Variants in NIN observed in about 807,000 individuals in gnomAD.
The protein encoded by NIN is glycogen synthase kinase 3 beta-interacting protein.
NIN carries 137 observed loss-of-function variants against 257.6 expected under a neutral mutation model. The ratio of observed to expected loss-of-function variants is 0.53; its 90% CI spans 0.46 to 0.61. The LOEUF (loss-of-function observed/expected upper bound fraction) is 0.61, where lower values mean the gene tolerates loss of function less well. Among genes scored for constraint, NIN ranks in the 20% least tolerant of loss-of-function variants. The pLI is 0.00. For synonymous variants in NIN, 918 were observed against 919.8 expected (o/e 1.00, Z 0.04); for missense variants, 2,439 against 2,501.2 (o/e 0.98, Z 0.53).
chr14:50,795,722 TCA>T (rs2043809042), intron 4 of NIN, among the ~76,000 whole-genome samples: 1 of 152,220 alleles, frequency 6.6e-6, no homozygotes, highest in African/African-American at 2.4e-5. Context: ...ATTATTGACA[TCA>T]CAGAGCTTCC....
At chr14:50,793,106 G>A (rs537729871) in intron 4 of NIN, among the ~76,000 whole-genome samples, 3 of 152,154 alleles carry the variant, frequency 2.0e-5, no homozygotes, top group African/African-American at 7.2e-5. Context: ...TGCACATGAC[G>A]GGAGCAATCC....
At chr14:50,803,663 C>T (rs1253132288) in intron 4 of NIN, among the ~76,000 whole-genome samples, 6 of 152,176 alleles carry the variant, frequency 3.9e-5, no homozygotes, top group Admixed American at 3.3e-4. Flanking sequence ...AATTAAGCTA[C>T]GTCCCTCTTT....
chr14:50,731,792 T>C (rs554746887), intron 28 of NIN, among the ~76,000 whole-genome samples: 14 of 152,278 alleles, frequency 9.2e-5, no homozygotes, highest in African/African-American at 3.1e-4. Flanking sequence ...CGCCACTGCA[T>C]TCCCACTTGG....
Position 50,727,584 on chromosome 14 carries a change from T to A in NIN, c.6079-1518A>T, listed in dbSNP as rs2040471778. 2.2e-6 allele frequency: 3 copies of A among 1,374,224 alleles called. No individual in the cohort carries two copies. The Admixed American group carries it at 6.9e-5, about 32-fold the overall frequency. 85.1% of individuals were successfully genotyped at this position (1,374,224 alleles called of 1,614,324 possible). On this transcript the variant is annotated intron_variant, in intron 29 of 30. Transcript: ENST00000530997. ...TAAAATAATTTAAAAGAGCACTTAA[T>A]TCCAACATATCTTAGCTTATGTCTC...
In NIN at chr14:50,738,190, T is replaced by C; in HGVS notation, c.5725A>G (p.Lys1909Glu). Reference sequence around the variant, plus strand: ...TTCTGAAACTGATCACACTCTCTCTTTAAGCTCAATTTTTCTTGCTCTGTG... The same window carrying C: ...TTCTGAAACTGATCACACTCTCTCTCTAAGCTCAATTTTTCTTGCTCTGTG... ...NPTEQEKLSL[K>E]RECDQFQKEQ... The change falls in exon 27 of 31, where the codon AAG (lysine) becomes GAG (glutamate). Residue 1909 changes from lysine (K) to glutamate (E), a missense_variant. Lys to Glu is a moderately conservative substitution (Grantham distance 56). Transcript: ENST00000530997. 1.9e-6 allele frequency: 3 copies of C among 1,614,146 alleles called. No homozygotes were observed. Among genetic ancestry groups the C allele is most frequent in the African/African-American group, 2.7e-5 (2 of 75,030 alleles).
rs199898320 is a variant in NIN, at chr14:50,741,759, C to A, written c.5302-31G>T. The A allele has an allele frequency of 1.9e-6, 3 of 1,607,442 alleles. No individual in the cohort carries two copies. In the African/African-American group the frequency reaches 4.0e-5, roughly 22 times the overall value. On this transcript the variant is annotated intron_variant, in intron 24 of 30. Transcript: ENST00000530997. ...TTGTGAGAATGATCTTTTACTGCTA[C>A]ACAAACTCTTGTGGTCTCACCTCTA...
At chr14:50,748,746 C>T (rs564516417) in intron 21 of NIN, among the ~76,000 whole-genome samples, 1 of 152,256 alleles carries the variant, frequency 6.6e-6, no homozygotes, top group East Asian at 1.9e-4. Context: ...AGGAATACAA[C>T]TTACAAGGGA....
chr14:50,777,067 A>G lies in NIN; in HGVS notation c.548T>C (p.Ile183Thr), dbSNP rs780398386. 1.2e-6 allele frequency: 2 copies of G among 1,614,188 alleles called. No individual in the cohort carries two copies. The highest frequency in any genetic ancestry group is 2.2e-5 in the South Asian group (2 of 91,088). The change falls in exon 7 of 31, where the codon ATA becomes ACA. Residue 183 changes from isoleucine (I) to threonine (T), a missense_variant. Physicochemically the swap from Ile to Thr is moderately conservative, Grantham distance 89. This residue lies in a region of NIN where 387 missense variants were observed against 427.3 expected (regional missense o/e 0.91). Coordinates refer to ENST00000530997, the MANE Select transcript of NIN (RefSeq NM_020921.4). ...QSGSSPPQDW[I>T]EEKLQEVCED... ...ACAAACTTCTTGCAGTTTCTCTTCT[A>G]TCCAGTCTTGGGGAGGGGAAGATCC...
In NIN at chr14:50,760,123, TTCC is replaced by T. The variant is rs759610601; in HGVS notation, c.2130_2132del (p.Glu711del). On this transcript the variant is annotated inframe_deletion, in exon 17 of 31. Transcript: ENST00000530997. ...TCAGCTTCTCCTGCAGGTGAGTCTT[TTCC>T]TCCTCAAGCTTCACTTGCAGTTGTT... is the stretch of plus-strand genomic sequence containing the variant. 6 of 1,614,088 alleles carry T rather than the reference TTCC, an allele frequency of 3.7e-6. No homozygotes were observed. In the Admixed American group the frequency reaches 1.0e-4, roughly 27 times the overall value.
intron 2 of NIN, among the ~76,000 whole-genome samples, chr14:50,824,071 T>G (rs1411712654): frequency 6.6e-6 from 1 of 152,226 alleles, no homozygotes; most frequent in African/African-American, 2.4e-5. Flanking sequence ...TACAGTCCCC[T>G]GGGCTGTTAT....
chr14:50,823,462 A>G, intron 2 of NIN: 2 of 305,286 alleles, frequency 6.6e-6, no homozygotes, highest in Admixed American at 9.7e-5. Context: ...GTAAGCTAAG[A>G]TGTTGAACAC....
At chr14:50,795,479 G>T (rs1183481608) in intron 4 of NIN, among the ~76,000 whole-genome samples, 1 of 152,194 alleles carries the variant, frequency 6.6e-6, no homozygotes, top group African/African-American at 2.4e-5. Context: ...CTGAACAGCA[G>T]ATGTCCACCG....
intron 4 of NIN, among the ~76,000 whole-genome samples, chr14:50,799,832 G>C (rs914237709): frequency 6.6e-6 from 1 of 152,054 alleles, no homozygotes; most frequent in Non-Finnish European, 1.5e-5. Flanking sequence ...AAAATTAGCT[G>C]GGTGTGGTGG....
chr14:50,727,701 A>T (rs2040477818), intron 29 of NIN: 1 of 1,439,056 alleles, frequency 6.9e-7, no homozygotes. Flanking sequence ...ACAGGTGCCC[A>T]ATCCTTCTGT....
At chr14:50,808,377 G>A (rs1204547386) in intron 3 of NIN, among the ~76,000 whole-genome samples, 2 of 152,332 alleles carry the variant, frequency 1.3e-5, no homozygotes, top group East Asian at 3.9e-4. Flanking sequence ...CAGGCCACTT[G>A]ACGGGCATCT....
intron 3 of NIN, among the ~76,000 whole-genome samples, chr14:50,808,046 T>G (rs1182261933): frequency 6.6e-6 from 1 of 152,208 alleles, no homozygotes; most frequent in Non-Finnish European, 1.5e-5. Flanking sequence ...TTCAAGCTAA[T>G]TAAAATATAC....
chr14:50,829,595 T>A (rs1228359484), intron 2 of NIN, among the ~76,000 whole-genome samples: 1 of 152,190 alleles, frequency 6.6e-6, no homozygotes, highest in Non-Finnish European at 1.5e-5. Context: ...GGAGTTGAGC[T>A]GTATGGCAAG....
Position 50,758,201 on chromosome 14 carries a change from A to G in NIN, c.2829T>C (p.Ser943=), listed in dbSNP as rs760677058. 1.2e-6 allele frequency: 2 copies of G among 1,614,018 alleles called. No individual in the cohort carries two copies. Among genetic ancestry groups the G allele is most frequent in the Non-Finnish European group, 1.7e-6 (2 of 1,179,994 alleles). Residue 943 remains serine, a synonymous_variant, in exon 18 of 31, where the codon AGT becomes AGC. Transcript: ENST00000530997. ...LSDQILELKS[S]HKRELREREE... ...CACGCTCCCTCAGTTCCCTTTTGTG[A>G]CTGCTCTTCAGCTCAAGTATCTGGT...
chr14:50,782,415 T>A (rs980254930), intron 5 of NIN, among the ~76,000 whole-genome samples: 1 of 152,194 alleles, frequency 6.6e-6, no homozygotes, highest in African/African-American at 2.4e-5. Context: ...TAATGATACA[T>A]TATAATGCAG....
Sources: allele counts gnomAD v4.1 joint callset (sites outside exome capture counted in the v4.1 genomes callset), GRCh38; gene constraint gnomAD v4.1.1; regional missense constraint gnomAD v4.1.1; transcripts MANE v1.5; gene names NCBI Gene and HGNC (gene_info 2026-07-23, HGNC 2026-07-21).